Variants in SLAIN1 observed in about 807,000 individuals in gnomAD.
SLAIN1 encodes the protein SLAIN motif-containing protein 1.
SLAIN1 carries 17 observed loss-of-function variants against 55.4 expected under a neutral mutation model. That is an observed-to-expected ratio of 0.31 (90% CI 0.21 to 0.46). The LOEUF (loss-of-function observed/expected upper bound fraction) is 0.46. SLAIN1 is among the 20% of genes least tolerant of loss of function. The probability of loss-of-function intolerance (pLI) is 1.00; values close to 1 mark genes in which losing one functional copy is unlikely to be tolerated. For missense variants in SLAIN1, 682 were observed against 785.1 expected (o/e 0.87, Z 1.57); for synonymous variants, 348 against 337.4 (o/e 1.03, Z -0.35).
chr13:77,744,206 G>A, intron 2 of SLAIN1, 77 bp from the exon 3 acceptor site: 1 of 1,087,950 alleles, frequency 9.2e-7, no homozygotes, highest in South Asian at 1.3e-5. Flanking sequence ...ATTGCTGACT[G>A]TTTATATATG....
chr13:77,740,528 G>A (rs1447995210), intron 2 of SLAIN1, among the ~76,000 whole-genome samples: 3 of 142,770 alleles, frequency 2.1e-5, no homozygotes, highest in Non-Finnish European at 4.6e-5. Context: ...TTTGCGAACC[G>A]CCCCCCCCCC....
intron 2 of SLAIN1, chr13:77,743,222 G>A: frequency 8.3e-7 from 1 of 1,199,092 alleles, no homozygotes; most frequent in Non-Finnish European, 1.1e-6. Context: ...ACTAAACACG[G>A]CTTAAATATT....
chr13:77,749,363 A>G (rs1874052329), intron 4 of SLAIN1, among the ~76,000 whole-genome samples: 1 of 152,252 alleles, frequency 6.6e-6, no homozygotes, highest in African/African-American at 2.4e-5. Flanking sequence ...CAACTTGTAG[A>G]ATCTTTACCA....
intron 2 of SLAIN1, among the ~76,000 whole-genome samples, chr13:77,720,592 A>G (rs2091252772): frequency 6.6e-6 from 1 of 152,184 alleles, no homozygotes; most frequent in Non-Finnish European, 1.5e-5. Flanking sequence ...ATTCTATGAC[A>G]TTCATTACCT....
chr13:77,743,068 T>C (rs944908611), intron 2 of SLAIN1: 7 of 1,302,284 alleles, frequency 5.4e-6, no homozygotes, highest in Admixed American at 4.6e-5. Context: ...CTTTTCCTTA[T>C]AGTCCTGTTG....
At position 77,761,010 on chromosome 13, in the gene SLAIN1, G is replaced by T; in HGVS notation, c.1597G>T (p.Ala533Ser). The change falls in exon 6 of 7, where the codon GCA (alanine) becomes TCA (serine). Residue 533 changes from alanine (A) to serine (S), a missense_variant. By Grantham distance (99) the Ala-to-Ser change is moderately conservative. This residue lies in a region of SLAIN1 where 244 missense variants were observed against 295.2 expected (regional missense o/e 0.83). Transcript: ENST00000418532. ...AGGAATCCCCACACCGAACAAAGCTGCAGCTTCTGGGATAATGGGTCGCAG... is the reference window on the plus strand; with the variant it reads ...AGGAATCCCCACACCGAACAAAGCTTCAGCTTCTGGGATAATGGGTCGCAG... ...NTGIPTPNKAAASGIMGRSAL... is the reference protein window; with the variant it reads ...NTGIPTPNKASASGIMGRSAL... 1 of 1,614,206 alleles carries T rather than the reference G, an allele frequency of 6.2e-7. No individual in the cohort carries two copies. The highest frequency in any genetic ancestry group is 1.3e-5 in the African/African-American group (1 of 75,048).
At chr13:77,740,927 A>G (rs906446677) in intron 2 of SLAIN1, among the ~76,000 whole-genome samples, 2 of 152,060 alleles carry the variant, frequency 1.3e-5, no homozygotes, top group African/African-American at 4.8e-5. Flanking sequence ...CTGCCTTTAC[A>G]ATAATTTTCC....
In SLAIN1 at chr13:77,731,943, G is replaced by C. The variant is rs1489168570; in HGVS notation, c.766+12272G>C. Among the ~76,000 whole-genome samples the C allele has an allele frequency of 3.9e-5, 6 of 152,094 alleles. No homozygotes were observed. In the East Asian group the frequency reaches 7.7e-4, roughly 20 times the overall value. The stretch of plus-strand genomic sequence containing the variant: ...AGTGGGCCTGGGTGGGGAAGGAAAA[G>C]AGACTCCTGTTTTAGGCCTTTAATG... On this transcript the variant is annotated intron_variant, in intron 2 of 6. Transcript: ENST00000418532.
intron 6 of SLAIN1, among the ~76,000 whole-genome samples, chr13:77,762,677 G>C (rs867940258): frequency 6.6e-6 from 1 of 152,162 alleles, no homozygotes; most frequent in Non-Finnish European, 1.5e-5. Flanking sequence ...TGGGATTATA[G>C]ATGTGAGCCA....
At chr13:77,739,804 C>A (rs966616014) in intron 2 of SLAIN1, among the ~76,000 whole-genome samples, 1 of 151,964 alleles carries the variant, frequency 6.6e-6, no homozygotes, top group African/African-American at 2.4e-5. Context: ...ATCACGGGAG[C>A]ATTTATCGAA....
rs1411708785 is a variant in SLAIN1 at position 77,763,491 on chromosome 13, CT to C, written c.*276del. 2.5e-6 allele frequency: 1 copy of C among 398,360 alleles called. No homozygotes were observed. The highest frequency in any genetic ancestry group is 4.5e-6 in the Non-Finnish European group (1 of 221,208). The allele number at this position is 398,360 out of a possible 1,614,324, so 24.7% of individuals were successfully genotyped here. A position where few individuals can be genotyped will look rare whatever the true frequency, so the allele number is the denominator to read the frequency against. On this transcript the variant is annotated 3_prime_UTR_variant, in exon 7 of 7. Coordinates refer to ENST00000418532, the MANE Select transcript of SLAIN1 (RefSeq NM_001242868.2). The stretch of plus-strand genomic sequence containing the variant: ...TGTAGAACTGCTCTGTACCTGAATA[CT>C]TTTTGAGAGAATTAAGATGTATCAA...
At chr13:77,699,703 A>G (rs1403669445) in intron 1 of SLAIN1, among the ~76,000 whole-genome samples, 1 of 152,202 alleles carries the variant, frequency 6.6e-6, no homozygotes, top group African/African-American at 2.4e-5. Flanking sequence ...ATCAAAATAT[A>G]TGGAGTTACA....
chr13:77,708,944 G>A (rs7981056), intron 1 of SLAIN1, among the ~76,000 whole-genome samples: 7,933 of 151,992 alleles, frequency 0.052, 677 homozygotes, highest in African/African-American at 0.18. Context: ...GACTTCAGAA[G>A]GTGGGTAATA....
chr13:77,741,477 G>C (rs1323705976), intron 2 of SLAIN1: 1 of 974,696 alleles, frequency 1.0e-6, no homozygotes, highest in Non-Finnish European at 1.2e-6. Flanking sequence ...TATACGACTG[G>C]TGTCAATTGG....
chr13:77,702,567 C>T (rs1368797139), intron 1 of SLAIN1, among the ~76,000 whole-genome samples: 1 of 152,114 alleles, frequency 6.6e-6, no homozygotes, highest in African/African-American at 2.4e-5. Context: ...ACTAGACCTT[C>T]CTATGACCTG....
At position 77,763,154 on chromosome 13, in the gene SLAIN1, G is replaced by T. The variant is rs1468972735; in HGVS notation, c.1707G>T (p.Gln569His). ...KIAQPVRSFLQPPKPLSSLST... is the reference protein window; with the variant it reads ...KIAQPVRSFLHPPKPLSSLST... ...TCTTGTCTCTTTTTAGTTTTCTTCA[G>T]CCTCCAAAGCCTCTGTCTTCACTCA... The change falls in exon 7 of 7, where the codon CAG becomes CAT. Residue 569 changes from glutamine (Q) to histidine (H), a missense_variant. By Grantham distance (24) the Gln-to-His change is conservative. Coordinates refer to ENST00000418532, the MANE Select transcript of SLAIN1 (RefSeq NM_001242868.2). 1 of 1,613,668 alleles carries T rather than the reference G, an allele frequency of 6.2e-7. No individual in the cohort carries two copies. The highest frequency in any genetic ancestry group is 1.7e-5 in the Admixed American group (1 of 59,986).
Position 77,711,815 on chromosome 13 carries a change from G to A in SLAIN1, c.627-7717G>A, listed in dbSNP as rs546685103. Among the ~76,000 whole-genome samples the A allele has an allele frequency of 2.0e-5, 3 of 152,216 alleles. No homozygotes were observed. The South Asian group carries it at 6.2e-4, about 32-fold the overall frequency. On this transcript the variant is annotated intron_variant, in intron 1 of 6. Coordinates refer to ENST00000418532, the MANE Select transcript of SLAIN1 (RefSeq NM_001242868.2). ...CAATATCCCTGATGAACATCGATGTGAAAATCCTCAGTAAAATACTGGCAA... is the reference window on the plus strand; with the variant it reads ...CAATATCCCTGATGAACATCGATGTAAAAATCCTCAGTAAAATACTGGCAA...
rs142944548 is a variant in SLAIN1 at position 77,733,746 on chromosome 13, C to T, written c.767-10537C>T. ...TTTCATGCATGTCTGGGAAGGAGTA[C>T]TGTGAACATCTGCTTCAAAGTAGTA... On this transcript the variant is annotated intron_variant, in intron 2 of 6. Coordinates refer to ENST00000418532, the MANE Select transcript of SLAIN1 (RefSeq NM_001242868.2). Among the ~76,000 whole-genome samples the T allele has an allele frequency of 4.7e-4, 71 of 152,258 alleles. 1 individual carries two copies. In the East Asian group the frequency reaches 8.9e-3, roughly 19 times the overall value.
chr13:77,713,564 C>G (rs1329617267), intron 1 of SLAIN1, among the ~76,000 whole-genome samples: 1 of 152,174 alleles, frequency 6.6e-6, no homozygotes, highest in African/African-American at 2.4e-5. Context: ...CACTTTTACA[C>G]TGTTGGTGGG....
Sources: gnomAD v4.1 joint callset for allele counts (sites outside exome capture counted in the v4.1 genomes callset) on GRCh38, gnomAD v4.1.1 for gene constraint, gnomAD v4.1.1 regional missense constraint, MANE v1.5 for transcripts, NCBI Gene and HGNC (gene_info 2026-07-23, HGNC 2026-07-21) for gene names.